Variants in CSGALNACT1 observed in about 807,000 individuals in gnomAD.
CSGALNACT1 encodes the protein beta4GalNAcT-1.
CSGALNACT1 carries 52 observed loss-of-function variants against 51.0 expected under a neutral mutation model. That is an observed-to-expected ratio of 1.02 (90% CI 0.82 to 1.29). CSGALNACT1 has a LOEUF of 1.29. Among genes scored for constraint, CSGALNACT1 ranks in the 50% most tolerant of loss-of-function variants. The probability of loss-of-function intolerance (pLI) is 0.00; values close to 1 mark genes in which losing one functional copy is unlikely to be tolerated. For synonymous variants in CSGALNACT1, 341 were observed against 254.4 expected, an observed-to-expected ratio of 1.34 and a Z score of -3.24; for missense variants, 935 against 679.2, an observed-to-expected ratio of 1.38 and a Z score of -4.19.
intron 2 of CSGALNACT1, among the ~76,000 whole-genome samples, chr8:19,594,029 T>A (rs1453364744): frequency 1.3e-5 from 2 of 152,168 alleles, no homozygotes; most frequent in Non-Finnish European, 2.9e-5. Context: ...GCTGGTGGAA[T>A]ATGCCATGAA....
chr8:19,490,107 T>C (rs2074031865), intron 4 of CSGALNACT1, among the ~76,000 whole-genome samples: 1 of 152,180 alleles, frequency 6.6e-6, no homozygotes, highest in Non-Finnish European at 1.5e-5. Flanking sequence ...CCAGCAACAT[T>C]CAGAAGCCAA....
chr8:19,503,622 T>C (rs2153990701), intron 4 of CSGALNACT1, among the ~76,000 whole-genome samples: 1 of 152,284 alleles, frequency 6.6e-6, no homozygotes, highest in East Asian at 1.9e-4. Flanking sequence ...GCTAGTAAAC[T>C]AATACATGTG....
intron 1 of CSGALNACT1, among the ~76,000 whole-genome samples, chr8:19,710,334 T>G (rs765297307): frequency 6.6e-6 from 1 of 152,208 alleles, no homozygotes. Context: ...ATTGCTGCAG[T>G]CATCTAGTTT....
In CSGALNACT1 at chr8:19,493,529, C is replaced by CGTCTATTCT. The variant is rs2074830017; in HGVS notation, c.634+11663_634+11671dup. ...ACCCCCAGAACCCTAGGCAAACACT[C>CGTCTATTCT]GTCTATTCTCTGTCTCTGCTGATTT... On this transcript the variant is annotated intron_variant, in intron 4 of 9. Transcript: ENST00000454498. Among the ~76,000 whole-genome samples the CGTCTATTCT allele has an allele frequency of 7.2e-5, 11 of 152,226 alleles. No individual in the cohort carries two copies. In the South Asian group the frequency reaches 2.3e-3, roughly 32 times the overall value.
intron 1 of CSGALNACT1, among the ~76,000 whole-genome samples, chr8:19,623,038 TG>T (rs1589100223): frequency 6.6e-6 from 1 of 152,158 alleles, no homozygotes; most frequent in East Asian, 1.9e-4. Context: ...ATTCCACACA[TG>T]TATCCCAGAA....
At chr8:19,638,666 A>C (rs1332009807) in intron 1 of CSGALNACT1, among the ~76,000 whole-genome samples, 1 of 152,176 alleles carries the variant, frequency 6.6e-6, no homozygotes, top group African/African-American at 2.4e-5. Flanking sequence ...AGATCTTTGA[A>C]AGAAGTGATC....
chr8:19,452,773 A>G (rs2063423051), intron 5 of CSGALNACT1, among the ~76,000 whole-genome samples: 1 of 152,066 alleles, frequency 6.6e-6, no homozygotes, highest in African/African-American at 2.4e-5. Context: ...TTGGGAAAAC[A>G]ATTAATTCCC....
intron 4 of CSGALNACT1, among the ~76,000 whole-genome samples, chr8:19,499,929 C>CT (rs2076130970): frequency 6.6e-6 from 1 of 152,198 alleles, no homozygotes; most frequent in Non-Finnish European, 1.5e-5. Context: ...CTGGGCCACT[C>CT]TTTTCTCACC....
At chr8:19,507,281 A>G (rs1440267430) in intron 3 of CSGALNACT1, among the ~76,000 whole-genome samples, 1 of 152,144 alleles carries the variant, frequency 6.6e-6, no homozygotes, top group Admixed American at 6.5e-5. Flanking sequence ...TCCAGTGTCT[A>G]TGAGGAATTC....
chr8:19,592,858 T>G (rs753634278), intron 2 of CSGALNACT1, among the ~76,000 whole-genome samples: 36 of 152,232 alleles, frequency 2.4e-4, no homozygotes, highest in Non-Finnish European at 4.7e-4. Context: ...TTCTTTGTAC[T>G]ATTCTTATTT....
At chr8:19,408,182 C>T (rs1171769702) in intron 9 of CSGALNACT1, among the ~76,000 whole-genome samples, 2 of 152,136 alleles carry the variant, frequency 1.3e-5, no homozygotes, top group Non-Finnish European at 1.5e-5. Flanking sequence ...ATGCAATAAG[C>T]AGCCTTTAAT....
At chr8:19,510,381 C>T (rs549073441) in intron 3 of CSGALNACT1, among the ~76,000 whole-genome samples, 1 of 152,310 alleles carries the variant, frequency 6.6e-6, no homozygotes, top group East Asian at 1.9e-4. Context: ...CCAGAAACAA[C>T]CTCCAAATAA....
intron 3 of CSGALNACT1, among the ~76,000 whole-genome samples, chr8:19,555,619 T>A (rs141423199): frequency 6.6e-6 from 1 of 152,316 alleles, no homozygotes; most frequent in East Asian, 1.9e-4. Context: ...CCTGTGAGCA[T>A]CAAAGCACAT....
At chr8:19,656,004 T>C (rs1338757086) in intron 1 of CSGALNACT1, among the ~76,000 whole-genome samples, 1 of 152,004 alleles carries the variant, frequency 6.6e-6, no homozygotes, top group Non-Finnish European at 1.5e-5. Context: ...CAGTTAAACT[T>C]TGGAGGTTGA....
intron 3 of CSGALNACT1, among the ~76,000 whole-genome samples, chr8:19,556,968 C>G (rs892436587): frequency 6.8e-5 from 10 of 146,118 alleles, no homozygotes; most frequent in Non-Finnish European, 1.3e-4. Flanking sequence ...AAGGATCATA[C>G]TCTCTGCCCA....
intron 3 of CSGALNACT1, among the ~76,000 whole-genome samples, chr8:19,513,165 CT>C (rs1389501297): frequency 6.6e-6 from 1 of 152,038 alleles, no homozygotes; most frequent in East Asian, 1.9e-4. Flanking sequence ...CACCACCCTA[CT>C]CAAGGCTCCA....
chr8:19,574,549 G>A lies in CSGALNACT1; in HGVS notation c.-297+16611C>T, dbSNP rs777176377. Among the ~76,000 whole-genome samples, 57 of 152,096 alleles carry A rather than the reference G, an allele frequency of 3.7e-4. 1 individual carries two copies. Among genetic ancestry groups the A allele is most frequent in the Admixed American group, 7.2e-4 (11 of 15,272 alleles). On this transcript the variant is annotated intron_variant, in intron 3 of 9. Transcript: ENST00000454498. The stretch of plus-strand genomic sequence containing the variant: ...TGGCAGAGCAGGTGGACAGTAACAG[G>A]GCAGCCACACATATGGTGTGGAACT...
chr8:19,506,054 C>A (rs1353793444), exon 4 of CSGALNACT1: 2 of 695,726 alleles, frequency 2.9e-6, no homozygotes, highest in Admixed American at 4.0e-5. Flanking sequence ...GAAGCAATGA[C>A]TGAAGTGAAA....
intron 4 of CSGALNACT1, among the ~76,000 whole-genome samples, chr8:19,483,430 G>C (rs1226178705): frequency 1.3e-5 from 2 of 152,108 alleles, no homozygotes; most frequent in Non-Finnish European, 2.9e-5. Flanking sequence ...ATGGATTTTA[G>C]CCTTATGAAT....
Sources: allele counts gnomAD v4.1 joint callset (sites outside exome capture counted in the v4.1 genomes callset), GRCh38; gene constraint gnomAD v4.1.1; transcripts MANE v1.5; gene names NCBI Gene and HGNC (gene_info 2026-07-23, HGNC 2026-07-21).